Variants in LPO observed in about 807,000 individuals in gnomAD.
LPO encodes lactoperoxidase.
In LPO, 70 loss-of-function variants were observed where a neutral mutation model predicts 68.4. That is an observed-to-expected ratio of 1.02 (90% CI 0.84 to 1.25). The LOEUF (loss-of-function observed/expected upper bound fraction) is 1.25. LPO is among the 50% of genes most tolerant of loss of function. LPO has a pLI of 0.00. For missense variants in LPO, 873 were observed against 908.4 expected, an observed-to-expected ratio of 0.96 and a Z score of 0.50; for synonymous variants, 360 against 357.6, an observed-to-expected ratio of 1.01 and a Z score of -0.08.
At chr17:58,260,472 A>G (rs1463281733) in intron 9 of LPO, among the ~76,000 whole-genome samples, 1 of 152,226 alleles carries the variant, frequency 6.6e-6, no homozygotes, top group Non-Finnish European at 1.5e-5. Flanking sequence ...TGTCTTCCCA[A>G]TCGAGAAAGT....
In LPO at chr17:58,252,282, G is replaced by A. The variant is rs778524777; in HGVS notation, c.881G>A (p.Arg294Gln). The change falls in exon 8 of 13, where the codon CGA (arginine) becomes CAA (glutamine). Residue 294 changes from arginine (R) to glutamine (Q), a missense_variant. Physicochemically the swap from Arg to Gln is conservative, Grantham distance 43. Transcript: ENST00000262290. ...CPTPPYKSLAREQINALTSFL... is the reference protein window; with the variant it reads ...CPTPPYKSLAQEQINALTSFL... ...ACTCCACCCTACAAGTCCCTGGCCC[G>A]AGAGCAGATCAACGCTCTGACCTCC... The A allele has an allele frequency of 2.1e-5, 34 of 1,614,048 alleles. No individual in the cohort carries two copies. The highest frequency in any genetic ancestry group is 2.0e-4 in the South Asian group (18 of 91,074).
At chr17:58,246,016 T>C (rs1019045051) in intron 3 of LPO, among the ~76,000 whole-genome samples, 4 of 152,110 alleles carry the variant, frequency 2.6e-5, no homozygotes, top group African/African-American at 7.2e-5. Flanking sequence ...CCCAAGTACA[T>C]ACACAGTGCA....
intron 9 of LPO, among the ~76,000 whole-genome samples, chr17:58,258,816 T>A (rs1351724764): frequency 6.6e-6 from 1 of 152,262 alleles, no homozygotes; most frequent in East Asian, 1.9e-4. Flanking sequence ...ATTTCTCTAA[T>A]GGCTGGTAAT....
chr17:58,260,478 A>G (rs1015230940), intron 9 of LPO, among the ~76,000 whole-genome samples: 3 of 152,192 alleles, frequency 2.0e-5, no homozygotes, highest in African/African-American at 7.2e-5. Flanking sequence ...CCCAATCGAG[A>G]AAGTATTCAA....
At position 58,268,180 on chromosome 17, in the gene LPO, C is replaced by T. The variant is rs1292545724; in HGVS notation, c.*186C>T. The T allele has an allele frequency of 3.3e-6, 2 of 604,242 alleles. No homozygotes were observed. Among genetic ancestry groups the T allele is most frequent in the Middle Eastern group, 8.9e-4 (2 of 2,240 alleles). The allele number at this position is 604,242 out of a possible 1,614,324, so 37.4% of individuals were successfully genotyped here. A position where few individuals can be genotyped will look rare whatever the true frequency, so the allele number is the denominator to read the frequency against. Reference sequence around the variant, plus strand: ...GCTGCCTCGGCCCTCCCAGCTCTTACACTCAGCTCCAGTGGCTTCTCCTTT... The same window carrying T: ...GCTGCCTCGGCCCTCCCAGCTCTTATACTCAGCTCCAGTGGCTTCTCCTTT... On this transcript the variant is annotated 3_prime_UTR_variant, in exon 13 of 13. Transcript: ENST00000262290.
intron 9 of LPO, among the ~76,000 whole-genome samples, chr17:58,256,862 C>G (rs1019657002): frequency 6.6e-6 from 1 of 151,460 alleles, no homozygotes; most frequent in Non-Finnish European, 1.5e-5. Flanking sequence ...TATCCATCCT[C>G]TCAAGCATTT....
chr17:58,242,018 C>T (rs1262611582), intron 1 of LPO, among the ~76,000 whole-genome samples: 1 of 152,164 alleles, frequency 6.6e-6, no homozygotes, highest in Non-Finnish European at 1.5e-5. Context: ...CTGGATTCCA[C>T]CAGTGAACGC....
At chr17:58,243,839 A>C (rs1969803746) in intron 2 of LPO, 155 bp from the exon 3 acceptor site, 1 of 620,880 alleles carries the variant, frequency 1.6e-6, no homozygotes, top group African/African-American at 1.8e-5. Context: ...TTTTCCCCTT[A>C]AGGACTCTTA....
chr17:58,258,847 C>T (rs148828682), intron 9 of LPO, among the ~76,000 whole-genome samples: 88 of 152,300 alleles, frequency 5.8e-4, no homozygotes, highest in African/African-American at 2.0e-3. Flanking sequence ...TTTTCCTGTG[C>T]TCATTTGCCA....
At position 58,250,534 on chromosome 17, in the gene LPO, C is replaced by T; in HGVS notation, c.693C>T (p.Ala231=). 6.2e-7 allele frequency: 1 copy of T among 1,614,058 alleles called. No individual in the cohort carries two copies. Among genetic ancestry groups the T allele is most frequent in the Non-Finnish European group, 8.5e-7 (1 of 1,180,012 alleles). ...GQIVDHDLDF[A]PDTELGSSEY... ...TTGTGGATCATGACCTGGACTTTGCCCCTGACACCGAGCTGGGGAGTAGCG... is the reference window on the plus strand; with the variant it reads ...TTGTGGATCATGACCTGGACTTTGCTCCTGACACCGAGCTGGGGAGTAGCG... Residue 231 remains alanine, a synonymous_variant, in exon 7 of 13, where the codon GCC becomes GCT. Transcript: ENST00000262290.
intron 9 of LPO, among the ~76,000 whole-genome samples, chr17:58,258,336 G>T (rs370510046): frequency 1.3e-5 from 2 of 152,174 alleles, no homozygotes; most frequent in African/African-American, 4.8e-5. Flanking sequence ...AAAGATAGGG[G>T]TCTAGTTTTA....
intron 9 of LPO, among the ~76,000 whole-genome samples, chr17:58,261,845 A>C (rs1044589282): frequency 1.3e-5 from 2 of 152,286 alleles, no homozygotes; most frequent in East Asian, 3.9e-4. Flanking sequence ...ATAAAGATAG[A>C]GAGAGAGATA....
At chr17:58,265,037 A>C in intron 10 of LPO, 63 bp downstream of exon 10, 1 of 1,589,658 alleles carries the variant, frequency 6.3e-7, no homozygotes. Context: ...TTGTAGGGAA[A>C]CTTGGGTTGG....
chr17:58,254,710 G>A (rs8178354), intron 8 of LPO, 101 bp from the exon 9 acceptor site: 34 of 1,152,946 alleles, frequency 2.9e-5, no homozygotes, highest in Non-Finnish European at 3.8e-5. Flanking sequence ...GGGCGGGGGG[G>A]GCGGGGCGCG....
At chr17:58,240,782 A>G (rs1327147484) in intron 1 of LPO, among the ~76,000 whole-genome samples, 1 of 152,134 alleles carries the variant, frequency 6.6e-6, no homozygotes, top group African/African-American at 2.4e-5. Flanking sequence ...GTCTCAGATG[A>G]TGTCTTTTTA....
chr17:58,255,092 C>T (rs1970046979), intron 9 of LPO, 121 bp downstream of exon 9: 2 of 949,294 alleles, frequency 2.1e-6, no homozygotes, highest in Non-Finnish European at 3.1e-6. Flanking sequence ...TTTCCCCCGG[C>T]CCCTCTGCTG....
At chr17:58,253,848 T>TTACAGTGTTG (rs1970010676) in intron 8 of LPO, among the ~76,000 whole-genome samples, 1 of 148,936 alleles carries the variant, frequency 6.7e-6, no homozygotes, top group South Asian at 2.1e-4. Context: ...CAGTGGCTCA[T>TTACAGTGTTG]GCCTGTAATC....
Position 58,264,607 on chromosome 17 carries a change from G to T in LPO, c.1267-115G>T, listed in dbSNP as rs1598033376. ...AACTGGGCACATATGCTATCCATTT[G>T]CCATCCTTGGTTTTCAACAGCTCAT... On this transcript the variant is annotated intron_variant, in intron 9 of 12. Coordinates refer to ENST00000262290, the MANE Select transcript of LPO (RefSeq NM_006151.3). 11 of 1,025,338 alleles carry T rather than the reference G, an allele frequency of 1.1e-5. No individual in the cohort carries two copies. The South Asian group carries it at 1.4e-4, about 13-fold the overall frequency. 63.5% of individuals were successfully genotyped at this position (1,025,338 alleles called of 1,614,324 possible).
At chr17:58,248,121 A>G (rs1400250259) in intron 4 of LPO, among the ~76,000 whole-genome samples, 1 of 152,136 alleles carries the variant, frequency 6.6e-6, no homozygotes, top group Non-Finnish European at 1.5e-5. Context: ...AACTTAACTG[A>G]TGGCTTGGTC....
Sources: allele counts gnomAD v4.1 joint callset (sites outside exome capture counted in the v4.1 genomes callset), GRCh38; gene constraint gnomAD v4.1.1; transcripts MANE v1.5; gene names NCBI Gene and HGNC (gene_info 2026-07-23, HGNC 2026-07-21).